The following ZC3H15 variants were observed in gnomAD, a reference collection of about 807,000 sequenced individuals.
The protein encoded by ZC3H15 is zinc finger CCCH domain-containing protein 15.
ZC3H15 carries 15 observed loss-of-function variants against 51.2 expected under a neutral mutation model. The ratio of observed to expected loss-of-function variants is 0.29; its 90% CI spans 0.20 to 0.45. The LOEUF is 0.45. ZC3H15 is among the 20% of genes least tolerant of loss of function. The pLI is 1.00. For synonymous variants in ZC3H15, 144 were observed against 162.8 expected, an observed-to-expected ratio of 0.88 and a Z score of 0.88; for missense variants, 381 against 494.7, an observed-to-expected ratio of 0.77 and a Z score of 2.18.
chr2:186,488,609 T>C (rs1248788556), intron 1 of ZC3H15: 1 of 152,250 alleles, frequency 6.6e-6, no homozygotes, highest in Admixed American at 6.5e-5. Flanking sequence ...GACGTTATAA[T>C]TGACGCTTGA....
Position 186,506,828 on chromosome 2 carries a change from A to C in ZC3H15, c.1082A>C (p.Asp361Ala). Residue 361 changes from aspartate to alanine, a missense_variant, in exon 9 of 10, where the codon GAT becomes GCT. Coordinates refer to ENST00000337859, the MANE Select transcript of ZC3H15 (RefSeq NM_018471.3). ...GAAAGATTCAGCACATATACTTCAG[A>C]TAAAGATGGTAAGTATGCTAACTTT... is the stretch of plus-strand genomic sequence containing the variant. The part of the protein sequence containing the change: ...SLERFSTYTS[D>A]KDENKLSEAS... 1 of 1,610,836 alleles carries C rather than the reference A, an allele frequency of 6.2e-7. No individual in the cohort carries two copies. Among genetic ancestry groups the C allele is most frequent in the South Asian group, 1.1e-5 (1 of 90,728 alleles).
At chr2:186,494,442 C>G (rs1355707197) in intron 1 of ZC3H15, among the ~76,000 whole-genome samples, 1 of 152,150 alleles carries the variant, frequency 6.6e-6, no homozygotes, top group Non-Finnish European at 1.5e-5. Context: ...TATCGTATAA[C>G]CTCTCAAGAT....
At chr2:186,501,946 G>A (rs1487444875) in intron 4 of ZC3H15, among the ~76,000 whole-genome samples, 10 of 152,038 alleles carry the variant, frequency 6.6e-5, no homozygotes, top group Non-Finnish European at 1.2e-4. Context: ...TCCTGACTTC[G>A]TGATCTGCCC....
intron 3 of ZC3H15, chr2:186,500,521 A>G: frequency 1.6e-6 from 1 of 640,246 alleles, no homozygotes; most frequent in African/African-American, 1.8e-5. Flanking sequence ...CACTTAAGGC[A>G]AAATTAGTAA....
At chr2:186,499,534 G>A in intron 2 of ZC3H15, 2 of 453,898 alleles carry the variant, frequency 4.4e-6, no homozygotes, top group Admixed American at 2.4e-5. Context: ...TACAGTTGTT[G>A]ACATGTCTGT....
Position 186,505,728 on chromosome 2 carries a change from G to T in ZC3H15, c.865-12G>T. The T allele has an allele frequency of 6.2e-7, 1 of 1,612,670 alleles. No individual in the cohort carries two copies. The highest frequency in any genetic ancestry group is 8.5e-7 in the Non-Finnish European group (1 of 1,178,798). ...TTTTGTCCTGAGTTGATATATTTGT[G>T]TGTCTCAATAGATCAGTGGTCGTGA... On this transcript the variant is annotated splice_polypyrimidine_tract_variant and intron_variant, in intron 7 of 9. Coordinates refer to ENST00000337859, the MANE Select transcript of ZC3H15 (RefSeq NM_018471.3).
intron 2 of ZC3H15, among the ~76,000 whole-genome samples, chr2:186,496,082 G>A (rs1039512452): frequency 6.6e-6 from 1 of 152,100 alleles, no homozygotes; most frequent in African/African-American, 2.4e-5. Context: ...TAACTTACAT[G>A]TATATATAGA....
At chr2:186,495,189 G>A in intron 1 of ZC3H15, 44 bp from the exon 2 acceptor site, 1 of 1,161,128 alleles carries the variant, frequency 8.6e-7, no homozygotes, top group Non-Finnish European at 1.2e-6. Context: ...GATATATATG[G>A]TAACATAAAT....
At chr2:186,504,330 C>A (rs1024462295) in intron 6 of ZC3H15, 116 bp downstream of exon 6, 27 of 929,768 alleles carry the variant, frequency 2.9e-5, no homozygotes, top group Non-Finnish European at 4.0e-5. Flanking sequence ...ATATTGTGAT[C>A]TATTCCCAAA....
chr2:186,507,067 T>TA (rs1456250769), intron 9 of ZC3H15, among the ~76,000 whole-genome samples: 1 of 152,168 alleles, frequency 6.6e-6, no homozygotes, highest in Non-Finnish European at 1.5e-5. Context: ...AGCTTGGAGT[T>TA]AAAGTCAATG....
At position 186,508,546 on chromosome 2, in the gene ZC3H15, A is replaced by G. The variant is rs1169556127; in HGVS notation, c.1094A>G (p.Asn365Ser). 1 of 1,613,300 alleles carries G rather than the reference A, an allele frequency of 6.2e-7. No individual in the cohort carries two copies. Among genetic ancestry groups the G allele is most frequent in the East Asian group, 2.2e-5 (1 of 44,866 alleles). Residue 365 changes from asparagine (N) to serine (S), a missense_variant, in exon 10 of 10, where the codon AAC (asparagine) becomes AGC (serine). Coordinates refer to ENST00000337859, the MANE Select transcript of ZC3H15 (RefSeq NM_018471.3). ...TGATTCCAGTTTTTATATTTAGAAA[A>G]CAAATTAAGTGAAGCTTCTGGAGGT... ...FSTYTSDKDE[N>S]KLSEASGGRA...
intron 1 of ZC3H15, among the ~76,000 whole-genome samples, chr2:186,490,824 T>C (rs1313632501): frequency 6.6e-6 from 1 of 152,200 alleles, no homozygotes; most frequent in Non-Finnish European, 1.5e-5. Context: ...AAGTCATCCT[T>C]TTCTTTCGAG....
In ZC3H15 at chr2:186,499,090, C is replaced by A. The variant is rs558055351; in HGVS notation, c.178-1092C>A. ...TACATGATAATCCTAGATTCCTCCC[C>A]CTTTATACTTCATGTTCAGTCAGTC... On this transcript the variant is annotated intron_variant, in intron 2 of 9. Transcript: ENST00000337859. Among the ~76,000 whole-genome samples the A allele has an allele frequency of 2.0e-5, 3 of 152,276 alleles. No homozygotes were observed. In the South Asian group the frequency reaches 6.2e-4, roughly 32 times the overall value.
At position 186,502,700 on chromosome 2, in the gene ZC3H15, T is replaced by G; in HGVS notation, c.534+113T>G. 5 of 866,976 alleles carry G rather than the reference T, an allele frequency of 5.8e-6. No homozygotes were observed. In the South Asian group the frequency reaches 7.9e-5, roughly 14 times the overall value. 53.7% of individuals were successfully genotyped at this position (866,976 alleles called of 1,614,324 possible). On this transcript the variant is annotated intron_variant, in intron 5 of 9. Coordinates refer to ENST00000337859, the MANE Select transcript of ZC3H15 (RefSeq NM_018471.3). ...ATTATTCTGTAAGTTACTGGAAAAT[T>G]TGATTTCATCAAGATAAGGTACACG...
chr2:186,506,033 G>C (rs1685461698), intron 8 of ZC3H15, 192 bp downstream of exon 8: 2 of 692,196 alleles, frequency 2.9e-6, no homozygotes, highest in South Asian at 3.1e-5. Flanking sequence ...CTACATCATA[G>C]TTTGTGAGAA....
At chr2:186,499,984 A>G (rs1356970448) in intron 2 of ZC3H15, among the ~76,000 whole-genome samples, 198 bp from the exon 3 acceptor site, 2 of 152,220 alleles carry the variant, frequency 1.3e-5, no homozygotes, top group African/African-American at 4.8e-5. Context: ...GCTTTTAACT[A>G]GGCATGGTAC....
chr2:186,486,319 AG>A lies in ZC3H15; in HGVS notation c.-61del. ...CCGGTCTTCCTCCTCGTCCTGCCGC[AG>A]GGCCAGAACCCCTGACGGTATTCAG... On this transcript the variant is annotated 5_prime_UTR_variant, in exon 1 of 10. Coordinates refer to ENST00000337859, the MANE Select transcript of ZC3H15 (RefSeq NM_018471.3). 5.0e-6 allele frequency: 7 copies of A among 1,412,306 alleles called. No individual in the cohort carries two copies. Among genetic ancestry groups the A allele is most frequent in the Non-Finnish European group, 6.6e-6 (7 of 1,068,028 alleles). 87.5% of individuals were successfully genotyped at this position (1,412,306 alleles called of 1,614,324 possible).
rs1233098161 is a variant in ZC3H15 at position 186,507,401 on chromosome 2, G to GACAT, written c.1090+566_1090+569dup. ...TCTCTCTCTTAATGTTTAGAGGGAAGACATGGTCATGGGAAGGGCTTTTTA... is the reference window on the plus strand; with the variant it reads ...TCTCTCTCTTAATGTTTAGAGGGAAGACATACATGGTCATGGGAAGGGCTTTTTA... On this transcript the variant is annotated intron_variant, in intron 9 of 9. Transcript: ENST00000337859. 4.6e-5 allele frequency: 21 copies of GACAT among 456,578 alleles called. No individual in the cohort carries two copies. The Admixed American group carries it at 4.9e-4, about 11-fold the overall frequency. 28.3% of individuals were successfully genotyped at this position (456,578 alleles called of 1,614,324 possible). A position where few individuals can be genotyped will look rare whatever the true frequency, so the allele number is the denominator to read the frequency against.
intron 2 of ZC3H15, among the ~76,000 whole-genome samples, chr2:186,498,533 T>G (rs1685321164): frequency 6.6e-6 from 1 of 152,196 alleles, no homozygotes; most frequent in Admixed American, 6.5e-5. Flanking sequence ...TATTAAAAAT[T>G]AAGCGACTTA....
Sources: gnomAD v4.1 joint callset for allele counts (sites outside exome capture counted in the v4.1 genomes callset) on GRCh38, gnomAD v4.1.1 for gene constraint, MANE v1.5 for transcripts, NCBI Gene and HGNC (gene_info 2026-07-23, HGNC 2026-07-21) for gene names.